Variants in FHIT observed in about 807,000 individuals in gnomAD.
FHIT encodes fragile histidine triad diadenosine triphosphatase.
Under a neutral mutation model 17.9 loss-of-function variants are expected in FHIT, and 19 were observed. The ratio of observed to expected loss-of-function variants is 1.06; its 90% CI spans 0.74 to 1.56. The LOEUF is 1.56. Ranked by LOEUF, FHIT falls within the 40% of genes most tolerant of loss-of-function variation. The pLI is 0.00. For missense variants in FHIT, 248 were observed against 189.2 expected (o/e 1.31, Z -1.82); for synonymous variants, 81 against 69.7 (o/e 1.16, Z -0.81).
chr3:60,521,234 TA>T (rs993780220), intron 5 of FHIT, among the ~76,000 whole-genome samples: 180 of 139,622 alleles, frequency 1.3e-3, no homozygotes, highest in African/African-American at 3.4e-3. Context: ...TAATGGACAA[TA>T]AAAAAAAAAT....
intron 7 of FHIT, among the ~76,000 whole-genome samples, chr3:59,941,753 G>A (rs149905356): frequency 5.5e-4 from 83 of 152,222 alleles, no homozygotes; most frequent in African/African-American, 2.0e-3. Context: ...GGAGAGGAAG[G>A]TAAAAGCCAC....
chr3:60,534,439 C>CAAAAAAAAAAAAAAAAAAA (rs563992117), intron 5 of FHIT, among the ~76,000 whole-genome samples: 6 of 32,398 alleles, frequency 1.9e-4, no homozygotes, highest in Admixed American at 1.0e-3. Flanking sequence ...GACTCCGTCT[C>CAAAAAAAAAAAAAAAAAAA]AAAAAAAAAA....
At chr3:60,277,698 A>G (rs1373695626) in intron 5 of FHIT, among the ~76,000 whole-genome samples, 2 of 152,146 alleles carry the variant, frequency 1.3e-5, no homozygotes, top group African/African-American at 4.8e-5. Context: ...GCACTCTGCC[A>G]CAGGCTGGAA....
At chr3:59,996,228 C>T (rs1227775834) in intron 7 of FHIT, among the ~76,000 whole-genome samples, 1 of 152,080 alleles carries the variant, frequency 6.6e-6, no homozygotes, top group African/African-American at 2.4e-5. Context: ...GAAACACATG[C>T]AAATAGCTAA....
At chr3:60,781,710 A>C (rs1553725735) in intron 4 of FHIT, among the ~76,000 whole-genome samples, 4 of 152,174 alleles carry the variant, frequency 2.6e-5, no homozygotes, top group African/African-American at 9.7e-5. Context: ...CCTTTTAGGG[A>C]AGCTTAAGGT....
At chr3:61,146,431 C>CA (rs989252125) in intron 2 of FHIT, among the ~76,000 whole-genome samples, 19 of 151,986 alleles carry the variant, frequency 1.3e-4, no homozygotes, top group African/African-American at 4.1e-4. Context: ...GAAAAGAACA[C>CA]AACCTAATTT....
chr3:60,632,835 T>G (rs2039481669), intron 4 of FHIT, among the ~76,000 whole-genome samples: 1 of 152,224 alleles, frequency 6.6e-6, no homozygotes, highest in South Asian at 2.1e-4. Context: ...CACTACCTTC[T>G]TAGACAATAC....
intron 4 of FHIT, among the ~76,000 whole-genome samples, chr3:60,725,707 G>A (rs1460402135): frequency 6.6e-6 from 1 of 151,990 alleles, no homozygotes; most frequent in Non-Finnish European, 1.5e-5. Context: ...TGCTATATCA[G>A]GAAGCAGTAC....
intron 5 of FHIT, among the ~76,000 whole-genome samples, chr3:60,199,724 CT>C (rs1355865234): frequency 2.0e-5 from 3 of 152,042 alleles, no homozygotes; most frequent in African/African-American, 7.2e-5. Context: ...AATGATAAGA[CT>C]ATTAGAAAGA....
At position 60,514,899 on chromosome 3, in the gene FHIT, C is replaced by G. The variant is rs143746986; in HGVS notation, c.103+21961G>C. On this transcript the variant is annotated intron_variant, in intron 5 of 9. Transcript: ENST00000492590. The stretch of plus-strand genomic sequence containing the variant: ...CTCCCACCAACAGCCACACTGACAA[C>G]AGCCTTTGGTGTCTCACTCAGAGGA... 3.8e-3 allele frequency among the ~76,000 whole-genome samples: 584 copies of G among 152,094 alleles called. 3 individuals are homozygous for G. The highest frequency in any genetic ancestry group is 0.014 in the African/African-American group (562 of 41,496).
chr3:60,856,496 T>C (rs552063690), intron 3 of FHIT: 11 of 152,296 alleles, frequency 7.2e-5, no homozygotes, highest in Non-Finnish European at 1.5e-4. Flanking sequence ...ACGAGCTTCG[T>C]GCTCGGGAGA....
chr3:60,001,374 G>A (rs1165960508), intron 7 of FHIT, among the ~76,000 whole-genome samples: 1 of 152,160 alleles, frequency 6.6e-6, no homozygotes, highest in Non-Finnish European at 1.5e-5. Context: ...TGAAAACAAG[G>A]ACTACGTCTC....
At chr3:60,263,645 A>C (rs1317974559) in intron 5 of FHIT, among the ~76,000 whole-genome samples, 1 of 152,004 alleles carries the variant, frequency 6.6e-6, no homozygotes, top group African/African-American at 2.4e-5. Flanking sequence ...AAAGCAGATC[A>C]GTGGATGCCT....
intron 7 of FHIT, among the ~76,000 whole-genome samples, chr3:59,949,118 C>G (rs948938461): frequency 6.6e-6 from 1 of 152,172 alleles, no homozygotes; most frequent in Non-Finnish European, 1.5e-5. Flanking sequence ...ATGTTTAGCT[C>G]CCTTTTGTGA....
At chr3:61,016,771 T>G (rs1434901544) in intron 3 of FHIT, among the ~76,000 whole-genome samples, 3 of 152,250 alleles carry the variant, frequency 2.0e-5, no homozygotes, top group Non-Finnish European at 4.4e-5. Context: ...TGTGAATTAC[T>G]TATGTGTGTG....
Position 59,749,185 on chromosome 3 carries a change from T to C in FHIT, c.*400A>G, listed in dbSNP as rs1225953512. 1 of 229,900 alleles carries C rather than the reference T, an allele frequency of 4.3e-6. No homozygotes were observed. The highest frequency in any genetic ancestry group is 8.6e-6 in the Non-Finnish European group (1 of 115,976). 14.2% of individuals were successfully genotyped at this position (229,900 alleles called of 1,614,324 possible). Reference sequence around the variant, plus strand: ...TAAAAATTCAATATGTAGACATTTTTTTTGAAAAGGGAAGAAATAAGCAGG... The same window carrying C: ...TAAAAATTCAATATGTAGACATTTTCTTTGAAAAGGGAAGAAATAAGCAGG... On this transcript the variant is annotated 3_prime_UTR_variant, in exon 10 of 10. Transcript: ENST00000492590.
intron 4 of FHIT, among the ~76,000 whole-genome samples, chr3:60,818,644 C>T (rs1416593344): frequency 1.3e-5 from 2 of 152,118 alleles, no homozygotes; most frequent in Non-Finnish European, 2.9e-5. Flanking sequence ...TCTGGTAACT[C>T]TTTTTGTCTG....
chr3:60,500,535 C>T lies in FHIT; in HGVS notation c.103+36325G>A, dbSNP rs577760777. Among the ~76,000 whole-genome samples, 5 of 151,820 alleles carry T rather than the reference C, an allele frequency of 3.3e-5. No homozygotes were observed. The South Asian group carries it at 6.3e-4, about 19-fold the overall frequency. On this transcript the variant is annotated intron_variant, in intron 5 of 9. Transcript: ENST00000492590. The stretch of plus-strand genomic sequence containing the variant: ...CTGTAATCCCAGCACTTTAGGAGGC[C>T]AAGGTGGGTGGATCATTTGAGGTCA...
At chr3:60,167,520 G>A (rs1419184650) in intron 5 of FHIT, among the ~76,000 whole-genome samples, 2 of 152,156 alleles carry the variant, frequency 1.3e-5, no homozygotes, top group Non-Finnish European at 2.9e-5. Context: ...TAAACCAACT[G>A]AATTACAAAC....
Sources: gnomAD v4.1 joint callset for allele counts (sites outside exome capture counted in the v4.1 genomes callset) on GRCh38, gnomAD v4.1.1 for gene constraint, MANE v1.5 for transcripts, NCBI Gene and HGNC (gene_info 2026-07-23, HGNC 2026-07-21) for gene names.